Variants in SERINC5 observed in about 807,000 individuals in gnomAD.
SERINC5 encodes the protein chromosome 5 open reading frame 12.
SERINC5 carries 41 observed loss-of-function variants against 63.1 expected under a neutral mutation model. The ratio of observed to expected loss-of-function variants is 0.65; its 90% CI spans 0.51 to 0.84. The LOEUF (loss-of-function observed/expected upper bound fraction) is 0.84, where lower values mean the gene tolerates loss of function less well. SERINC5 is among the 40% of genes least tolerant of loss of function. The pLI is 0.00. For synonymous variants in SERINC5, 222 were observed against 215.2 expected, an observed-to-expected ratio of 1.03 and a Z score of -0.28; for missense variants, 523 against 573.0, an observed-to-expected ratio of 0.91 and a Z score of 0.89.
In SERINC5 at chr5:80,143,647, G is replaced by A; in HGVS notation, c.*16C>T. 2.6e-6 allele frequency: 4 copies of A among 1,535,060 alleles called. No homozygotes were observed. Among genetic ancestry groups the A allele is most frequent in the South Asian group, 2.4e-5 (2 of 84,020 alleles). On this transcript the variant is annotated 3_prime_UTR_variant, in exon 12 of 12. Coordinates refer to ENST00000507668, the MANE Select transcript of SERINC5 (RefSeq NM_001174072.3). ...CAGGCTGTAGGCCCACAAAGCCCAG[G>A]GGACCGCCGATATCATCACACAGAG...
At chr5:80,159,988 T>C (rs1198109154) in intron 7 of SERINC5, among the ~76,000 whole-genome samples, 2 of 152,230 alleles carry the variant, frequency 1.3e-5, no homozygotes, top group Non-Finnish European at 2.9e-5. Flanking sequence ...TCCTGAGATC[T>C]GTGAGCCACT....
At chr5:80,178,537 A>ATTTTTTTTT (rs1182662594) in intron 2 of SERINC5, among the ~76,000 whole-genome samples, 65 of 77,552 alleles carry the variant, frequency 8.4e-4, no homozygotes, top group Middle Eastern at 9.4e-3. Context: ...TAATTTTTGT[A>ATTTTTTTTT]TTTTTTTTTT....
intron 6 of SERINC5, 117 bp from the exon 7 acceptor site, chr5:80,166,595 G>A: frequency 4.8e-6 from 3 of 624,134 alleles, no homozygotes; most frequent in Non-Finnish European, 5.7e-6. Context: ...ACCTTTAAAG[G>A]AAAGAAAAGA....
intron 1 of SERINC5, among the ~76,000 whole-genome samples, chr5:80,245,813 C>A (rs1170798042): frequency 1.3e-5 from 2 of 151,690 alleles, no homozygotes; most frequent in African/African-American, 2.4e-5. Context: ...CGGGGCTTCA[C>A]CATGTTGGCC....
At chr5:80,253,083 C>A (rs924892339) in intron 1 of SERINC5, among the ~76,000 whole-genome samples, 1 of 152,176 alleles carries the variant, frequency 6.6e-6, no homozygotes, top group Non-Finnish European at 1.5e-5. Flanking sequence ...CTCAGTAATG[C>A]GATCATCATC....
chr5:80,247,453 C>T lies in SERINC5; in HGVS notation c.27+8443G>A, dbSNP rs371913829. On this transcript the variant is annotated intron_variant, in intron 1 of 11. Coordinates refer to ENST00000507668, the MANE Select transcript of SERINC5 (RefSeq NM_001174072.3). ...GAGATGAGTCAGAGGCTGCCTTCCA[C>T]GCCTACAGACTGGCCTCTCCTCAAC... Among the ~76,000 whole-genome samples the T allele has an allele frequency of 1.3e-4, 20 of 152,304 alleles. No individual in the cohort carries two copies. In the East Asian group the frequency reaches 1.5e-3, roughly 12 times the overall value.
At chr5:80,183,136 G>GCTTC (rs202223158) in intron 2 of SERINC5, among the ~76,000 whole-genome samples, 4,618 of 152,244 alleles carry the variant, frequency 0.03, 244 homozygotes, top group African/African-American at 0.1. Flanking sequence ...AGGCCACTGG[G>GCTTC]AACAGGTGAA....
At chr5:80,197,312 A>T (rs1449838110) in intron 2 of SERINC5, among the ~76,000 whole-genome samples, 3 of 1,624 alleles carry the variant, frequency 1.8e-3, no homozygotes, top group Non-Finnish European at 4.1e-3. Context: ...CATCTGTGAG[A>T]GAGAGAGAGA....
At chr5:80,252,311 C>T (rs1427712534) in intron 1 of SERINC5, among the ~76,000 whole-genome samples, 1 of 152,098 alleles carries the variant, frequency 6.6e-6, no homozygotes, top group Non-Finnish European at 1.5e-5. Flanking sequence ...CCACCTGCCT[C>T]GGCCTCCCAA....
chr5:80,229,239 G>T (rs542278108), intron 1 of SERINC5, among the ~76,000 whole-genome samples: 271 of 151,782 alleles, frequency 1.8e-3, no homozygotes, highest in Non-Finnish European at 2.6e-3. Context: ...GGCCAGGCTG[G>T]TCTCTAACTG....
intron 1 of SERINC5, among the ~76,000 whole-genome samples, chr5:80,233,501 A>AATAG (rs140973772): frequency 6.6e-6 from 1 of 152,114 alleles, no homozygotes; most frequent in Admixed American, 6.5e-5. Flanking sequence ...AAAAAACTCA[A>AATAG]TAATTCTAAA....
chr5:80,120,275 T>A (rs563736713), intron 11 of SERINC5, among the ~76,000 whole-genome samples: 88 of 152,278 alleles, frequency 5.8e-4, no homozygotes, highest in African/African-American at 2.0e-3. Context: ...TGGTTCTAAG[T>A]TATAGTACCT....
chr5:80,129,749 C>T, intron 11 of SERINC5, among the ~76,000 whole-genome samples: 1 of 152,218 alleles, frequency 6.6e-6, no homozygotes, highest in Middle Eastern at 3.4e-3. Context: ...TATTATTTTG[C>T]TTTTATGAAC....
intron 1 of SERINC5, among the ~76,000 whole-genome samples, chr5:80,230,785 CTT>C (rs1561443542): frequency 2.0e-5 from 3 of 147,800 alleles, no homozygotes. Flanking sequence ...TTCTCTCTTT[CTT>C]TCTTTCTTTC....
intron 9 of SERINC5, among the ~76,000 whole-genome samples, chr5:80,148,548 G>T (rs1745973474): frequency 6.6e-6 from 1 of 151,890 alleles, no homozygotes; most frequent in Admixed American, 6.6e-5. Flanking sequence ...GTTATGTATA[G>T]TCCCAGCTAT....
chr5:80,169,873 C>T (rs1747538312), intron 5 of SERINC5, among the ~76,000 whole-genome samples: 1 of 152,176 alleles, frequency 6.6e-6, no homozygotes, highest in Non-Finnish European at 1.5e-5. Flanking sequence ...CAGTCTCAAT[C>T]AGCCGAGGTG....
At position 80,188,229 on chromosome 5, in the gene SERINC5, G is replaced by A. The variant is rs904418909; in HGVS notation, c.196-10165C>T. On this transcript the variant is annotated intron_variant, in intron 2 of 11. Transcript: ENST00000507668. The stretch of plus-strand genomic sequence containing the variant: ...ACCCGGGAGGCGGGGTTTGCAGTGC[G>A]CTGAGATCCCACCACTGCACTCTAG... 2.7e-5 allele frequency among the ~76,000 whole-genome samples: 4 copies of A among 145,556 alleles called. No individual in the cohort carries two copies. The East Asian group carries it at 6.1e-4, about 22-fold the overall frequency.
chr5:80,252,362 C>T (rs1281187831), intron 1 of SERINC5, among the ~76,000 whole-genome samples: 1 of 152,064 alleles, frequency 6.6e-6, no homozygotes, highest in Non-Finnish European at 1.5e-5. Context: ...GCCCAGCCTG[C>T]ACTGTCATTT....
In SERINC5 at chr5:80,140,187, G is replaced by C; in HGVS notation, c.*3476C>G. The C allele has an allele frequency of 4.1e-6, 3 of 734,324 alleles. No homozygotes were observed. The highest frequency in any genetic ancestry group is 5.0e-6 in the Non-Finnish European group (3 of 601,556). The allele number at this position is 734,324 out of a possible 1,614,324, so 45.5% of individuals were successfully genotyped here. A position where few individuals can be genotyped will look rare whatever the true frequency, so the allele number is the denominator to read the frequency against. On this transcript the variant is annotated 3_prime_UTR_variant, in exon 12 of 12. Coordinates refer to ENST00000507668, the MANE Select transcript of SERINC5 (RefSeq NM_001174072.3). The stretch of plus-strand genomic sequence containing the variant: ...AATAAAAATCGGCCAGGTGTGATGG[G>C]GCAAACCTGTGGTCTCAGCTACTTG...
Sources: allele counts gnomAD v4.1 joint callset (sites outside exome capture counted in the v4.1 genomes callset), GRCh38; gene constraint gnomAD v4.1.1; transcripts MANE v1.5; gene names NCBI Gene and HGNC (gene_info 2026-07-23, HGNC 2026-07-21).